STXBP6: variants seen among roughly 807,000 people sequenced by gnomAD.
STXBP6 encodes syntaxin-binding protein 6.
STXBP6 carries 21 observed loss-of-function variants against 26.9 expected under a neutral mutation model. That is an observed-to-expected ratio of 0.78 (90% CI 0.55 to 1.12). The LOEUF (loss-of-function observed/expected upper bound fraction) is 1.12. Among genes scored for constraint, STXBP6 ranks in the 50% most tolerant of loss-of-function variants. The probability of loss-of-function intolerance (pLI) is 0.00; values close to 1 mark genes in which losing one functional copy is unlikely to be tolerated. For missense variants in STXBP6, 232 were observed against 257.9 expected (o/e 0.90, Z 0.69); for synonymous variants, 97 against 92.6 (o/e 1.05, Z -0.27).
intron 1 of STXBP6, among the ~76,000 whole-genome samples, chr14:25,028,433 C>T (rs2075389077): frequency 6.6e-6 from 1 of 152,002 alleles, no homozygotes; most frequent in South Asian, 2.1e-4. Context: ...AACAACAAAG[C>T]CTAGATGACA....
At chr14:24,867,086 A>G (rs943471325) in intron 2 of STXBP6, among the ~76,000 whole-genome samples, 5 of 152,128 alleles carry the variant, frequency 3.3e-5, no homozygotes, top group Non-Finnish European at 5.9e-5. Context: ...TTGCAACAGT[A>G]TTAAGAGTTG....
chr14:24,956,426 C>T (rs188846894), intron 2 of STXBP6, among the ~76,000 whole-genome samples: 2 of 152,256 alleles, frequency 1.3e-5, no homozygotes, highest in East Asian at 1.9e-4. Flanking sequence ...GAATGTCATT[C>T]GTTTGCATAA....
intron 1 of STXBP6, among the ~76,000 whole-genome samples, chr14:25,012,062 G>C (rs1227521888): frequency 1.3e-5 from 2 of 152,182 alleles, no homozygotes; most frequent in Non-Finnish European, 2.9e-5. Context: ...GCTCACTGCA[G>C]TCTCAGATTT....
At chr14:24,931,555 T>C (rs957680064) in intron 2 of STXBP6, among the ~76,000 whole-genome samples, 18 of 152,210 alleles carry the variant, frequency 1.2e-4, no homozygotes, top group Non-Finnish European at 1.5e-5. Context: ...ACTCATTCAT[T>C]CATTCAACTA....
At chr14:25,043,999 A>C (rs2075684294) in intron 1 of STXBP6, among the ~76,000 whole-genome samples, 1 of 143,538 alleles carries the variant, frequency 7.0e-6, no homozygotes. Flanking sequence ...GTAAAACTCT[A>C]TCTCTACCAA....
At chr14:25,040,964 CT>C (rs1187714566) in intron 1 of STXBP6, among the ~76,000 whole-genome samples, 4 of 152,182 alleles carry the variant, frequency 2.6e-5, no homozygotes, top group Non-Finnish European at 5.9e-5. Flanking sequence ...GAAATGTCTA[CT>C]TTATTAGCTT....
chr14:24,941,055 T>C (rs1189624816), intron 2 of STXBP6, among the ~76,000 whole-genome samples: 1 of 152,058 alleles, frequency 6.6e-6, no homozygotes, highest in South Asian at 2.1e-4. Context: ...CAAGCAATCA[T>C]GCAGGGAGAG....
At chr14:24,996,399 T>C (rs2074603206) in intron 1 of STXBP6, among the ~76,000 whole-genome samples, 1 of 152,140 alleles carries the variant, frequency 6.6e-6, no homozygotes, top group Non-Finnish European at 1.5e-5. Flanking sequence ...TTCCTATACC[T>C]GAACCTCTCA....
chr14:24,812,623 G>A lies in STXBP6; in HGVS notation c.*86C>T. 1 of 1,327,002 alleles carries A rather than the reference G, an allele frequency of 7.5e-7. No homozygotes were observed. The highest frequency in any genetic ancestry group is 1.2e-5 in the South Asian group (1 of 82,074). The allele number at this position is 1,327,002 out of a possible 1,614,324, so 82.2% of individuals were successfully genotyped here. The stretch of plus-strand genomic sequence containing the variant: ...GTGTCCAAATATTGGAAAAAAAGAA[G>A]CAAGCGGAGGTCCCGAATTCTTGTA... On this transcript the variant is annotated 3_prime_UTR_variant, in exon 6 of 6. Transcript: ENST00000323944.
At position 24,810,404 on chromosome 14, in the gene STXBP6, G is replaced by A. The variant is rs930045203; in HGVS notation, c.*2305C>T. ...GGCTGGGAGGTAAAGGAGGGGCAGG[G>A]ATTGCTGTTACGGCCCTCTCTGTTG... On this transcript the variant is annotated 3_prime_UTR_variant, in exon 6 of 6. Coordinates refer to ENST00000323944, the MANE Select transcript of STXBP6 (RefSeq NM_001394410.1). The A allele has an allele frequency of 6.6e-6, 1 of 152,246 alleles. No individual in the cohort carries two copies. Among genetic ancestry groups the A allele is most frequent in the Non-Finnish European group, 1.5e-5 (1 of 68,086 alleles). The allele number at this position is 152,246 out of a possible 1,614,324, so 9.4% of individuals were successfully genotyped here. A position where few individuals can be genotyped will look rare whatever the true frequency, so the allele number is the denominator to read the frequency against.
intron 2 of STXBP6, among the ~76,000 whole-genome samples, chr14:24,964,948 G>T (rs2073685489): frequency 6.6e-6 from 1 of 152,172 alleles, no homozygotes; most frequent in South Asian, 2.1e-4. Context: ...TGTGAAGCAG[G>T]ATAAAGAGGC....
At chr14:24,953,475 C>T (rs1375807176) in intron 2 of STXBP6, among the ~76,000 whole-genome samples, 2 of 152,138 alleles carry the variant, frequency 1.3e-5, no homozygotes, top group Admixed American at 1.3e-4. Context: ...TTCCTTCTGC[C>T]ACAGGGAGCA....
chr14:24,957,362 C>T (rs2073377401), intron 2 of STXBP6, among the ~76,000 whole-genome samples: 1 of 152,170 alleles, frequency 6.6e-6, no homozygotes, highest in African/African-American at 2.4e-5. Flanking sequence ...CAGAATAGAA[C>T]ACTTCAATCA....
intron 1 of STXBP6, among the ~76,000 whole-genome samples, chr14:24,996,725 C>T (rs1162553669): frequency 2.0e-5 from 3 of 151,344 alleles, no homozygotes; most frequent in South Asian, 2.1e-4. Flanking sequence ...CATGGTGGCA[C>T]GTGCCTGTGA....
intron 2 of STXBP6, among the ~76,000 whole-genome samples, chr14:24,931,482 C>T (rs2072406504): frequency 6.6e-6 from 1 of 152,194 alleles, no homozygotes; most frequent in Non-Finnish European, 1.5e-5. Context: ...TGAGCTTCCA[C>T]ACAACTTTCC....
chr14:25,023,899 G>T (rs1468252726), intron 1 of STXBP6, among the ~76,000 whole-genome samples: 1 of 152,138 alleles, frequency 6.6e-6, no homozygotes, highest in East Asian at 1.9e-4. Context: ...CTGGGAGGTC[G>T]ATAGGGCACA....
intron 2 of STXBP6, among the ~76,000 whole-genome samples, chr14:24,884,951 CCA>C (rs2070517765): frequency 6.6e-6 from 1 of 152,106 alleles, no homozygotes; most frequent in South Asian, 2.1e-4. Context: ...AGCATACATT[CCA>C]CAGTTTTGTC....
intron 2 of STXBP6, among the ~76,000 whole-genome samples, chr14:24,878,198 T>C (rs2070218208): frequency 6.6e-6 from 1 of 152,176 alleles, no homozygotes; most frequent in Non-Finnish European, 1.5e-5. Context: ...CATGACATTT[T>C]GGCAGTTTTG....
intron 1 of STXBP6, among the ~76,000 whole-genome samples, chr14:25,045,597 TTTC>T (rs2075712928): frequency 6.9e-6 from 1 of 145,904 alleles, no homozygotes; most frequent in Non-Finnish European, 1.5e-5. Context: ...ATACTTTTTT[TTTC>T]TTTTCTTTTT....
Sources: gnomAD v4.1 joint callset for allele counts (sites outside exome capture counted in the v4.1 genomes callset) on GRCh38, gnomAD v4.1.1 for gene constraint, MANE v1.5 for transcripts, NCBI Gene and HGNC (gene_info 2026-07-23, HGNC 2026-07-21) for gene names.